The following TACC1 variants were observed in gnomAD, a reference collection of about 807,000 sequenced individuals.
TACC1 encodes the protein transforming acidic coiled-coil containing protein 1.
TACC1 carries 48 observed loss-of-function variants against 84.4 expected under a neutral mutation model. The observed-to-expected ratio is 0.57, with a 90% CI of 0.45 to 0.72. The LOEUF (loss-of-function observed/expected upper bound fraction) is 0.72, where lower values mean the gene tolerates loss of function less well. Among genes scored for constraint, TACC1 ranks in the 30% least tolerant of loss-of-function variants. TACC1 has a pLI of 0.00. For missense variants in TACC1, 920 were observed against 973.0 expected (o/e 0.95, Z 0.72); for synonymous variants, 372 against 376.3 (o/e 0.99, Z 0.13).
intron 3 of TACC1, among the ~76,000 whole-genome samples, chr8:38,760,451 T>G (rs749254539): frequency 6.6e-6 from 1 of 152,168 alleles, no homozygotes; most frequent in Non-Finnish European, 1.5e-5. Flanking sequence ...GGAGGTTAGT[T>G]TAGGAAACAT....
At chr8:38,769,275 A>G (rs1587463417) in intron 3 of TACC1, among the ~76,000 whole-genome samples, 2 of 74,418 alleles carry the variant, frequency 2.7e-5, no homozygotes, top group African/African-American at 1.1e-4. Context: ...CTACATGTGT[A>G]GTGTGTATAT....
chr8:38,729,447 G>T (rs1026174637), intron 1 of TACC1, among the ~76,000 whole-genome samples: 12 of 152,224 alleles, frequency 7.9e-5, no homozygotes, highest in Non-Finnish European at 1.0e-4. Context: ...GCCAGCCTTG[G>T]CAATACATGT....
intron 2 of TACC1, among the ~76,000 whole-genome samples, chr8:38,806,824 C>T (rs1170451192): frequency 1.3e-5 from 2 of 152,100 alleles, no homozygotes; most frequent in Non-Finnish European, 2.9e-5. Flanking sequence ...CTTACTTTCT[C>T]GAGTTAGCCT....
At chr8:38,799,945 A>G (rs1820964528) in intron 2 of TACC1, 1 of 152,252 alleles carries the variant, frequency 6.6e-6, no homozygotes, top group African/African-American at 2.4e-5. Flanking sequence ...AAGCAGGAGG[A>G]TTGCTTGAGA....
At chr8:38,747,764 T>C (rs1439116698) in intron 3 of TACC1, among the ~76,000 whole-genome samples, 1 of 152,232 alleles carries the variant, frequency 6.6e-6, no homozygotes, top group African/African-American at 2.4e-5. Flanking sequence ...GATACTGTCA[T>C]GGTGGCTATA....
chr8:38,836,824 C>T (rs578092932), intron 7 of TACC1, among the ~76,000 whole-genome samples: 1 of 152,144 alleles, frequency 6.6e-6, no homozygotes, highest in Non-Finnish European at 1.5e-5. Context: ...AAGTTGCCCA[C>T]CCTCTCCTGT....
chr8:38,787,785 C>G, intron 1 of TACC1, 42 bp downstream of exon 1: 1 of 1,461,298 alleles, frequency 6.8e-7, no homozygotes, highest in South Asian at 1.3e-5. Context: ...ACGCGCTTGC[C>G]TCCATCCATC....
intron 3 of TACC1, among the ~76,000 whole-genome samples, chr8:38,779,363 T>C (rs1815485272): frequency 6.6e-6 from 1 of 152,184 alleles, no homozygotes; most frequent in South Asian, 2.1e-4. Flanking sequence ...ACACAGTCAC[T>C]TAGATGAAAC....
chr8:38,807,358 G>A (rs753185675), intron 2 of TACC1, among the ~76,000 whole-genome samples: 8 of 152,328 alleles, frequency 5.3e-5, no homozygotes, highest in Non-Finnish European at 1.0e-4. Context: ...GAGAGCCAGC[G>A]TGTGTATGTG....
chr8:38,823,552 A>AGC (rs1827339821), intron 3 of TACC1, among the ~76,000 whole-genome samples: 2 of 152,330 alleles, frequency 1.3e-5, no homozygotes, highest in South Asian at 4.1e-4. Context: ...GGCAGCAAGA[A>AGC]GCACCGTCTC....
At chr8:38,731,068 CAGG>C (rs2151598204) in intron 1 of TACC1, among the ~76,000 whole-genome samples, 1 of 152,298 alleles carries the variant, frequency 6.6e-6, no homozygotes, top group Non-Finnish European at 1.5e-5. Flanking sequence ...GCTGAAACTA[CAGG>C]CATGCACCAC....
At chr8:38,766,496 GC>G (rs1812284770) in intron 3 of TACC1, among the ~76,000 whole-genome samples, 1 of 152,170 alleles carries the variant, frequency 6.6e-6, no homozygotes, top group Non-Finnish European at 1.5e-5. Flanking sequence ...AAACCTGACG[GC>G]ATAGAATGTC....
intron 2 of TACC1, among the ~76,000 whole-genome samples, chr8:38,812,635 T>C (rs781705502): frequency 3.9e-5 from 6 of 152,252 alleles, no homozygotes; most frequent in Non-Finnish European, 8.8e-5. Flanking sequence ...GTTCAAAATA[T>C]AAACCTGAGT....
rs992975060 is a variant in TACC1, at chr8:38,745,520, G to T, written c.26+27G>T. 3 of 681,122 alleles carry T rather than the reference G, an allele frequency of 4.4e-6. No individual in the cohort carries two copies. In the Admixed American group the frequency reaches 6.8e-5, roughly 15 times the overall value. The allele number at this position is 681,122 out of a possible 1,614,324, so 42.2% of individuals were successfully genotyped here. A position where few individuals can be genotyped will look rare whatever the true frequency, so the allele number is the denominator to read the frequency against. ...CAAGGGTTTTAATTTTTGTTTTCTT[G>T]TTTTTTTTCTGTTTGTTTGTTTGTT... On this transcript the variant is annotated intron_variant, in intron 3 of 14. Transcript: ENST00000518415.
chr8:38,826,332 AAAAC>A (rs1263655169), intron 4 of TACC1, among the ~76,000 whole-genome samples: 9 of 152,242 alleles, frequency 5.9e-5, no homozygotes, highest in African/African-American at 1.9e-4. Context: ...TTAAAAAACA[AAAAC>A]AAAAACCCAA....
In TACC1 at chr8:38,787,350, G is replaced by A; in HGVS notation, c.-233G>A. ...TCCCGGCTAGTGGAGCCCGGCGCGGGGCCCGCTGCGGCCGCACCGTGAGGG... is the reference window on the plus strand; with the variant it reads ...TCCCGGCTAGTGGAGCCCGGCGCGGAGCCCGCTGCGGCCGCACCGTGAGGG... On this transcript the variant is annotated 5_prime_UTR_variant, in exon 1 of 13. Transcript: ENST00000317827. The A allele has an allele frequency of 1.5e-6, 2 of 1,306,690 alleles. No individual in the cohort carries two copies. Among genetic ancestry groups the A allele is most frequent in the Non-Finnish European group, 1.9e-6 (2 of 1,031,442 alleles). The allele number at this position is 1,306,690 out of a possible 1,614,324, so 80.9% of individuals were successfully genotyped here.
intron 1 of TACC1, 24 bp from the exon 2 acceptor site, chr8:38,788,680 T>C: frequency 6.5e-7 from 1 of 1,544,216 alleles, no homozygotes; most frequent in Non-Finnish European, 8.9e-7. Flanking sequence ...AAAGTGGTAA[T>C]TCCTCATTTT....
chr8:38,771,600 A>C (rs1266149576), intron 3 of TACC1, among the ~76,000 whole-genome samples: 1 of 152,220 alleles, frequency 6.6e-6, no homozygotes, highest in Non-Finnish European at 1.5e-5. Flanking sequence ...GAAAGAAAAC[A>C]ATGAGTTAAG....
intron 2 of TACC1, among the ~76,000 whole-genome samples, chr8:38,807,900 T>C (rs1823139700): frequency 6.6e-6 from 1 of 152,346 alleles, no homozygotes; most frequent in African/African-American, 2.4e-5. Context: ...CAAATAGTCT[T>C]TATCCTGAAT....
Sources: gnomAD v4.1 joint callset for allele counts (sites outside exome capture counted in the v4.1 genomes callset) on GRCh38, gnomAD v4.1.1 for gene constraint, MANE v1.5 for transcripts, NCBI Gene and HGNC (gene_info 2026-07-23, HGNC 2026-07-21) for gene names.